The following GPR158 variants were observed in gnomAD, a reference collection of about 807,000 sequenced individuals.
GPR158 encodes G protein-coupled receptor 158.
In GPR158, 30 loss-of-function variants were observed where a neutral mutation model predicts 78.2. The observed-to-expected ratio is 0.38, with a 90% confidence interval of 0.29 to 0.52. The LOEUF (loss-of-function observed/expected upper bound fraction) is 0.52, where lower values mean the gene tolerates loss of function less well. Among genes scored for constraint, GPR158 ranks in the 20% least tolerant of loss-of-function variants. The pLI is 0.83. For missense variants in GPR158, 1,463 were observed against 1,523.5 expected, an observed-to-expected ratio of 0.96 and a Z score of 0.66; for synonymous variants, 581 against 591.1, an observed-to-expected ratio of 0.98 and a Z score of 0.25.
At chr10:25,578,948 G>T (rs1251781372) in intron 7 of GPR158, among the ~76,000 whole-genome samples, 1 of 152,058 alleles carries the variant, frequency 6.6e-6, no homozygotes, top group African/African-American at 2.4e-5. Flanking sequence ...GGCAGAGTTT[G>T]CAGTGAGCCA....
chr10:25,374,744 T>C (rs1439013409), intron 2 of GPR158, among the ~76,000 whole-genome samples: 1 of 151,800 alleles, frequency 6.6e-6, no homozygotes, highest in Admixed American at 6.6e-5. Flanking sequence ...TCCTTTTTTA[T>C]TACTATGTAG....
intron 2 of GPR158, among the ~76,000 whole-genome samples, chr10:25,247,238 C>T (rs1320533105): frequency 1.3e-5 from 2 of 151,882 alleles, no homozygotes; most frequent in African/African-American, 4.8e-5. Flanking sequence ...ACCTTCAAAC[C>T]CTGAACTGAG....
rs117656029 is a variant in GPR158, at chr10:25,214,915, T to G, written c.903-6137T>G. Among the ~76,000 whole-genome samples, 169 of 152,320 alleles carry G rather than the reference T, an allele frequency of 1.1e-3. 2 individuals are homozygous for G. In the East Asian group the frequency reaches 0.03, roughly 27 times the overall value. ...GAAAATAAAAGTTCTGTTGTTTAAATCACCCGGTCTGAGATACTTGGTTAT... is the reference window on the plus strand; with the variant it reads ...GAAAATAAAAGTTCTGTTGTTTAAAGCACCCGGTCTGAGATACTTGGTTAT... On this transcript the variant is annotated intron_variant, in intron 1 of 10. Coordinates refer to ENST00000376351, the MANE Select transcript of GPR158 (RefSeq NM_020752.3).
At position 25,433,986 on chromosome 10, in the gene GPR158, C is replaced by T. The variant is rs533417984; in HGVS notation, c.1335+21513C>T. Among the ~76,000 whole-genome samples, 10 of 151,878 alleles carry T rather than the reference C, an allele frequency of 6.6e-5. No homozygotes were observed. The South Asian group carries it at 2.1e-3, about 32-fold the overall frequency. On this transcript the variant is annotated intron_variant, in intron 4 of 10. Coordinates refer to ENST00000376351, the MANE Select transcript of GPR158 (RefSeq NM_020752.3). Reference sequence around the variant, plus strand: ...CGTCCTGGCTAACATGGTGAAACCCCATCTCTACTAAAAATAAAAAAAATT... The same window carrying T: ...CGTCCTGGCTAACATGGTGAAACCCTATCTCTACTAAAAATAAAAAAAATT...
rs766388419 is a variant in GPR158, at chr10:25,598,802, A to T, written c.3176A>T (p.Gln1059Leu). ...AAGCCTAAGGCAGCTGAGGTTTGTC[A>T]GCAATCCAATCAGAAGCGCATAGAT... Reference protein sequence around the residue: ...HHKPKAAEVCQQSNQKRIDKA... With the variant: ...HHKPKAAEVCLQSNQKRIDKA... The change falls in exon 11 of 11, where the codon CAG becomes CTG. Residue 1059 changes from glutamine to leucine, a missense_variant. Physicochemically the swap from Gln to Leu is moderately radical, Grantham distance 113 (BLOSUM62 -2). Transcript: ENST00000376351. The T allele has an allele frequency of 6.2e-7, 1 of 1,614,162 alleles. No individual in the cohort carries two copies. The highest frequency in any genetic ancestry group is 1.1e-5 in the South Asian group (1 of 91,078).
At chr10:25,513,127 A>G (rs1836106760) in intron 5 of GPR158, among the ~76,000 whole-genome samples, 1 of 150,824 alleles carries the variant, frequency 6.6e-6, no homozygotes, top group Admixed American at 6.6e-5. Context: ...TTCTTCTTTG[A>G]ATGTCTGATA....
chr10:25,214,521 C>T (rs1853179869), intron 1 of GPR158, among the ~76,000 whole-genome samples: 1 of 152,010 alleles, frequency 6.6e-6, no homozygotes, highest in Non-Finnish European at 1.5e-5. Flanking sequence ...AGGCTTCATT[C>T]AGGTTTCCTG....
At chr10:25,522,153 C>T (rs1339833480) in intron 5 of GPR158, among the ~76,000 whole-genome samples, 1 of 152,218 alleles carries the variant, frequency 6.6e-6, no homozygotes, top group Middle Eastern at 3.2e-3. Context: ...GTCTCAGCTT[C>T]TTACTATGTA....
intron 2 of GPR158, among the ~76,000 whole-genome samples, chr10:25,250,041 G>A (rs900099856): frequency 2.8e-5 from 4 of 144,950 alleles, no homozygotes; most frequent in African/African-American, 1.0e-4. Context: ...TTAGTCTTGG[G>A]AGAGTGTATG....
chr10:25,561,573 G>A (rs1836861040), intron 6 of GPR158, among the ~76,000 whole-genome samples: 2 of 152,204 alleles, frequency 1.3e-5, no homozygotes, highest in Admixed American at 6.5e-5. Flanking sequence ...CTGTTTCTCT[G>A]TAAGCTTTTA....
chr10:25,320,771 A>G (rs978684803), intron 2 of GPR158, among the ~76,000 whole-genome samples: 1 of 152,218 alleles, frequency 6.6e-6, no homozygotes, highest in Admixed American at 6.5e-5. Context: ...TTAAAATATC[A>G]TTCTGAAAAA....
chr10:25,221,093 T>C lies in GPR158; in HGVS notation c.944T>C (p.Ile315Thr). The C allele has an allele frequency of 6.2e-7, 1 of 1,603,314 alleles. No homozygotes were observed. The highest frequency in any genetic ancestry group is 8.5e-7 in the Non-Finnish European group (1 of 1,171,098). Reference protein sequence around the residue: ...KVDINLQKVDIDQCSSDGWFS... With the variant: ...KVDINLQKVDTDQCSSDGWFS... ...GACATAAATCTTCAGAAAGTGGACA[T>C]TGACCAATGCTCAAGTGATGGCTGG... The change falls in exon 2 of 11, where the codon ATT (isoleucine) becomes ACT (threonine). Residue 315 changes from isoleucine to threonine, a missense_variant. Coordinates refer to ENST00000376351, the MANE Select transcript of GPR158 (RefSeq NM_020752.3).
chr10:25,317,089 G>GGT (rs771336700), intron 2 of GPR158, among the ~76,000 whole-genome samples: 18 of 150,806 alleles, frequency 1.2e-4, no homozygotes, highest in Admixed American at 3.3e-4. Flanking sequence ...ACTCACCCAG[G>GGT]GTGGAGTGCA....
chr10:25,206,735 T>G (rs1053775286), intron 1 of GPR158, among the ~76,000 whole-genome samples: 4 of 152,098 alleles, frequency 2.6e-5, no homozygotes, highest in Admixed American at 2.6e-4. Flanking sequence ...TGTACATGTA[T>G]TCAAGGTTTA....
chr10:25,317,592 C>T (rs1032207182), intron 2 of GPR158, among the ~76,000 whole-genome samples: 2 of 151,850 alleles, frequency 1.3e-5, no homozygotes, highest in Non-Finnish European at 2.9e-5. Context: ...TAATATTCCC[C>T]ATATACTTGT....
intron 4 of GPR158, among the ~76,000 whole-genome samples, chr10:25,433,573 G>A (rs1237861230): frequency 7.4e-6 from 1 of 135,250 alleles, no homozygotes; most frequent in East Asian, 2.0e-4. Flanking sequence ...GTGTGTGTGC[G>A]CGCGCGCGTG....
chr10:25,494,176 A>G (rs1446118961), intron 5 of GPR158, among the ~76,000 whole-genome samples: 1 of 152,166 alleles, frequency 6.6e-6, no homozygotes, highest in Non-Finnish European at 1.5e-5. Flanking sequence ...AAAATCTAAC[A>G]TGATACCTGA....
At chr10:25,531,913 G>C (rs75284193) in intron 5 of GPR158, among the ~76,000 whole-genome samples, 2 of 152,240 alleles carry the variant, frequency 1.3e-5, no homozygotes, top group East Asian at 3.9e-4. Flanking sequence ...TGGGCCTCCA[G>C]AGCTTATCAT....
chr10:25,305,430 A>T (rs824146), intron 2 of GPR158, among the ~76,000 whole-genome samples: 91,779 of 152,022 alleles, frequency 0.6, 29,608 homozygotes, highest in Non-Finnish European at 0.75. Context: ...GATGGGGACC[A>T]TACATAGGCC....
Sources: allele counts gnomAD v4.1 joint callset (sites outside exome capture counted in the v4.1 genomes callset), GRCh38; gene constraint gnomAD v4.1.1; transcripts MANE v1.5; gene names NCBI Gene and HGNC (gene_info 2026-07-23, HGNC 2026-07-21).